The following ZMYM5 variants were observed in gnomAD, a reference collection of about 807,000 sequenced individuals.
The protein encoded by ZMYM5 is zinc finger MYM-type protein 5.
Under a neutral mutation model 61.8 loss-of-function variants are expected in ZMYM5, and 41 were observed. That is an observed-to-expected ratio of 0.66 (90% CI 0.52 to 0.86). ZMYM5 has a LOEUF of 0.86. Ranked by LOEUF, ZMYM5 falls within the 40% of genes least tolerant of loss-of-function variation. ZMYM5 has a pLI of 0.00. For missense variants in ZMYM5, 706 were observed against 786.7 expected, an observed-to-expected ratio of 0.90 and a Z score of 1.23; for synonymous variants, 257 against 276.4, an observed-to-expected ratio of 0.93 and a Z score of 0.70.
At chr13:19,835,825 GATT>G in intron 6 of ZMYM5, 136 bp from the exon 7 acceptor site, 1 of 583,784 alleles carries the variant, frequency 1.7e-6, no homozygotes, top group Non-Finnish European at 2.6e-6. Flanking sequence ...CCAGGGAAAA[GATT>G]TTTTTTTTTT....
chr13:19,853,000 A>G (rs147455598), intron 2 of ZMYM5, among the ~76,000 whole-genome samples: 2 of 152,204 alleles, frequency 1.3e-5, no homozygotes, highest in African/African-American at 2.4e-5. Context: ...GGCTCTTGCC[A>G]TCACAGCCCA....
chr13:19,832,780 TGTTAAA>T (rs1952567077), intron 7 of ZMYM5, among the ~76,000 whole-genome samples: 1 of 152,046 alleles, frequency 6.6e-6, no homozygotes, highest in South Asian at 2.1e-4. Flanking sequence ...AATTTCGTTT[TGTTAAA>T]GATAGTCTCA....
chr13:19,845,037 AC>A (rs1953027778), intron 4 of ZMYM5, among the ~76,000 whole-genome samples: 1 of 152,166 alleles, frequency 6.6e-6, no homozygotes, highest in South Asian at 2.1e-4. Flanking sequence ...ACTTCTAAAA[AC>A]TTTTCAAGAA....
In ZMYM5 at chr13:19,824,449, C is replaced by A; in HGVS notation, c.*28G>T. The A allele has an allele frequency of 1.6e-6, 2 of 1,270,928 alleles. No individual in the cohort carries two copies. The highest frequency in any genetic ancestry group is 1.0e-6 in the Non-Finnish European group (1 of 982,846). 78.7% of individuals were successfully genotyped at this position (1,270,928 alleles called of 1,614,324 possible). On this transcript the variant is annotated 3_prime_UTR_variant, in exon 8 of 8. Transcript: ENST00000337963. ...TTTCTGAGTAATGTAAGATTCTGATCATCATGCCAAAAAACAACTCAGGTA... is the reference window on the plus strand; with the variant it reads ...TTTCTGAGTAATGTAAGATTCTGATAATCATGCCAAAAAACAACTCAGGTA...
intron 4 of ZMYM5, among the ~76,000 whole-genome samples, chr13:19,846,633 T>C (rs1473038874): frequency 6.6e-6 from 1 of 152,148 alleles, no homozygotes; most frequent in African/African-American, 2.4e-5. Flanking sequence ...ATTTAGGATC[T>C]GAGTGAACCA....
At chr13:19,844,126 A>G (rs1189488629) in intron 4 of ZMYM5, among the ~76,000 whole-genome samples, 2 of 143,588 alleles carry the variant, frequency 1.4e-5, no homozygotes, top group African/African-American at 5.3e-5. Context: ...TGACAGAGTG[A>G]GACTCCGTCT....
chr13:19,850,930 C>T (rs549034601), intron 4 of ZMYM5, among the ~76,000 whole-genome samples: 4 of 152,200 alleles, frequency 2.6e-5, no homozygotes, highest in East Asian at 1.9e-4. Flanking sequence ...AGTCAAAGGC[C>T]GGGAGTGGTG....
At chr13:19,856,157 T>C (rs1953501326) in intron 2 of ZMYM5, among the ~76,000 whole-genome samples, 1 of 152,210 alleles carries the variant, frequency 6.6e-6, no homozygotes, top group Non-Finnish European at 1.5e-5. Context: ...ATTTCTAAAA[T>C]ATTGTCTAAA....
chr13:19,854,730 C>G (rs557093798), intron 2 of ZMYM5, among the ~76,000 whole-genome samples: 1 of 151,342 alleles, frequency 6.6e-6, no homozygotes, highest in South Asian at 2.1e-4. Context: ...TATATTAACT[C>G]AGTTAATGAT....
intron 2 of ZMYM5, among the ~76,000 whole-genome samples, chr13:19,858,966 A>G (rs938239670): frequency 6.6e-6 from 1 of 152,106 alleles, no homozygotes; most frequent in Non-Finnish European, 1.5e-5. Context: ...TTTCTTTGAT[A>G]AGATAGAACA....
intron 7 of ZMYM5, among the ~76,000 whole-genome samples, chr13:19,827,687 T>G (rs986567237): frequency 6.6e-6 from 1 of 151,986 alleles, no homozygotes; most frequent in African/African-American, 2.4e-5. Context: ...CCTATTTTGG[T>G]GTCAATAAAA....
chr13:19,824,756 G>C lies in ZMYM5; in HGVS notation c.1731C>G (p.Ser577=). The stretch of plus-strand genomic sequence containing the variant: ...CTTTTGAGGTTGAATAAAGTAACCA[G>C]GATCTAGTGGTTTTTTCACCATTTG... The part of the protein sequence containing the change: ...ILPNGEKTTR[S]WLLYSTSKDS... Residue 577 remains serine, a synonymous_variant, in exon 8 of 8, where the codon TCC becomes TCG. Coordinates refer to ENST00000337963, the MANE Select transcript of ZMYM5 (RefSeq NM_001142684.2). 7.3e-7 allele frequency: 1 copy of C among 1,360,960 alleles called. No homozygotes were observed. Among genetic ancestry groups the C allele is most frequent in the South Asian group, 1.2e-5 (1 of 86,784 alleles). The allele number at this position is 1,360,960 out of a possible 1,614,324, so 84.3% of individuals were successfully genotyped here.
intron 2 of ZMYM5, among the ~76,000 whole-genome samples, chr13:19,861,007 G>A (rs1953739209): frequency 6.7e-6 from 1 of 150,374 alleles, no homozygotes; most frequent in African/African-American, 2.5e-5. Flanking sequence ...CTTAAGACAG[G>A]GTATGGCTCT....
In ZMYM5 at chr13:19,824,385, C is replaced by T; in HGVS notation, c.*92G>A. 9.0e-7 allele frequency: 1 copy of T among 1,115,208 alleles called. No individual in the cohort carries two copies. Among genetic ancestry groups the T allele is most frequent in the Middle Eastern group, 2.6e-4 (1 of 3,896 alleles). The allele number at this position is 1,115,208 out of a possible 1,614,324, so 69.1% of individuals were successfully genotyped here. ...GCTGCAAGTTACTCTGTAGAGGAGA[C>T]TTACAACACAATAGTACTGACTATT... On this transcript the variant is annotated 3_prime_UTR_variant, in exon 8 of 8. Coordinates refer to ENST00000337963, the MANE Select transcript of ZMYM5 (RefSeq NM_001142684.2).
intron 4 of ZMYM5, among the ~76,000 whole-genome samples, chr13:19,839,423 C>T (rs1409779435): frequency 6.6e-6 from 1 of 151,902 alleles, no homozygotes; most frequent in Non-Finnish European, 1.5e-5. Flanking sequence ...GAATCTCGCT[C>T]TTTCTCCCAG....
chr13:19,835,826 A>ATTT (rs753164390), intron 6 of ZMYM5, 137 bp from the exon 7 acceptor site: 14 of 455,982 alleles, frequency 3.1e-5, no homozygotes, highest in Middle Eastern at 8.7e-4. Context: ...CAGGGAAAAG[A>ATTT]TTTTTTTTTT....
intron 2 of ZMYM5, among the ~76,000 whole-genome samples, chr13:19,858,012 CAAAAATA>C (rs1025357597): frequency 4.7e-5 from 7 of 150,132 alleles, no homozygotes; most frequent in African/African-American, 1.7e-4. Context: ...GACCCTGTCT[CAAAAATA>C]AAAAATAAAT....
At chr13:19,829,111 C>G (rs573820003) in intron 7 of ZMYM5, among the ~76,000 whole-genome samples, 1 of 151,758 alleles carries the variant, frequency 6.6e-6, no homozygotes, top group Non-Finnish European at 1.5e-5. Context: ...CTCCAACAAA[C>G]AAAACAAAAC....
At chr13:19,848,271 C>T (rs999756623) in intron 4 of ZMYM5, among the ~76,000 whole-genome samples, 2 of 151,952 alleles carry the variant, frequency 1.3e-5, no homozygotes, top group African/African-American at 4.8e-5. Context: ...AGGTGAGAGC[C>T]ACCACACCCA....
Sources: gnomAD v4.1 joint callset for allele counts (sites outside exome capture counted in the v4.1 genomes callset) on GRCh38, gnomAD v4.1.1 for gene constraint, MANE v1.5 for transcripts, NCBI Gene and HGNC (gene_info 2026-07-23, HGNC 2026-07-21) for gene names.